Variants in FAM222B observed in about 807,000 individuals in gnomAD.
FAM222B encodes the protein family with sequence similarity 222 member B.
Under a neutral mutation model 38.0 loss-of-function variants are expected in FAM222B, and 12 were observed. That is an observed-to-expected ratio of 0.32 (90% CI 0.20 to 0.51). FAM222B has a LOEUF of 0.51. Among genes scored for constraint, FAM222B ranks in the 20% least tolerant of loss-of-function variants. The probability of loss-of-function intolerance (pLI) is 0.97; values close to 1 mark genes in which losing one functional copy is unlikely to be tolerated. For synonymous variants in FAM222B, 329 were observed against 317.2 expected, an observed-to-expected ratio of 1.04 and a Z score of -0.40; for missense variants, 716 against 754.2, an observed-to-expected ratio of 0.95 and a Z score of 0.59.
chr17:28,786,447 A>T (rs150039476), intron 1 of FAM222B, among the ~76,000 whole-genome samples: 139 of 152,310 alleles, frequency 9.1e-4, no homozygotes, highest in African/African-American at 3.3e-3. Context: ...CAATACAACT[A>T]ATGATGGAAT....
At chr17:28,843,386 C>T (rs529967089), upstream of FAM222B, among the ~76,000 whole-genome samples, 1 of 150,532 alleles carries the variant, frequency 6.6e-6, no homozygotes, top group African/African-American at 2.4e-5. Context: ...ATCCACCCAC[C>T]TCAGCCTTCT....
At chr17:28,812,539 G>A (rs1452504128) in intron 1 of FAM222B, 1 of 152,368 alleles carries the variant, frequency 6.6e-6, no homozygotes, top group African/African-American at 2.4e-5. Flanking sequence ...GCGAGCCAGG[G>A]AGCCAGCAGA....
chr17:28,829,218 CT>C (rs58425199), intron 1 of FAM222B, among the ~76,000 whole-genome samples: 137,963 of 140,970 alleles, frequency 0.98, 67,564 homozygotes, highest in Non-Finnish European at 0.99. Flanking sequence ...TCTCTCTACT[CT>C]TTTTTTTTTT....
rs2034858783 is a variant in FAM222B, at chr17:28,758,688, G to A, written c.1271C>T (p.Pro424Leu). ...GGATGGGGTCGGCTTTTCCAGGGGT[G>A]GCTTCAGATGGAAGGACTGCGCCAG... ...LCLAQSFHLK[P>L]PLEKPTPSPP... is the part of the protein sequence containing the mutation. The change falls in exon 3 of 3, where the codon CCA (proline) becomes CTA (leucine). Residue 424 changes from proline (P) to leucine (L), a missense_variant. Coordinates refer to ENST00000581407, the MANE Select transcript of FAM222B (RefSeq NM_001077498.3). 1.9e-6 allele frequency: 3 copies of A among 1,602,430 alleles called. No homozygotes were observed. Among genetic ancestry groups the A allele is most frequent in the Non-Finnish European group, 1.7e-6 (2 of 1,172,986 alleles).
At chr17:28,763,723 C>G (rs11650282) in intron 2 of FAM222B, among the ~76,000 whole-genome samples, 28,762 of 152,176 alleles carry the variant, frequency 0.19, 2,855 homozygotes, top group South Asian at 0.3. Flanking sequence ...CCTTATCCTT[C>G]TGACAAAGGC....
intron 1 of FAM222B, among the ~76,000 whole-genome samples, chr17:28,829,200 G>A (rs1361944432): frequency 1.4e-5 from 2 of 138,910 alleles, no homozygotes; most frequent in South Asian, 2.4e-4. Context: ...CATCACGCTT[G>A]GCCACCCTCT....
Position 28,759,911 on chromosome 17 carries a change from G to C in FAM222B, c.83-35C>G. On this transcript the variant is annotated intron_variant, in intron 2 of 2. Coordinates refer to ENST00000581407, the MANE Select transcript of FAM222B (RefSeq NM_001077498.3). This position sits in a 1 kb window ranked among gnomAD's most constrained non-coding sequence, Gnocchi z 4.8. ...GAGAATGGGAAGGAGAGCAAAGAGG[G>C]AGAGGGAGCTCATCAGTGCCAAGGC... 2 of 1,491,662 alleles carry C rather than the reference G, an allele frequency of 1.3e-6. No homozygotes were observed. The highest frequency in any genetic ancestry group is 1.8e-6 in the Non-Finnish European group (2 of 1,114,690). 92.4% of individuals were successfully genotyped at this position (1,491,662 alleles called of 1,614,324 possible).
Position 28,758,406 on chromosome 17 carries a change from C to A in FAM222B, c.1553G>T (p.Ser518Ile), listed in dbSNP as rs769746665. 1.2e-6 allele frequency: 2 copies of A among 1,613,924 alleles called. No individual in the cohort carries two copies. The highest frequency in any genetic ancestry group is 4.5e-5 in the East Asian group (2 of 44,872). The part of the protein sequence containing the change: ...NSLMQTVDYL[S>I]GDFQQACFRE... Reference sequence around the variant, plus strand: ...GAAGCAGGCCTGTTGGAAATCCCCACTTAGGTAATCCACTGTTTGCATCAA... The same window carrying A: ...GAAGCAGGCCTGTTGGAAATCCCCAATTAGGTAATCCACTGTTTGCATCAA... The change falls in exon 3 of 3, where the codon AGT becomes ATT. Residue 518 changes from serine (S) to isoleucine (I), a missense_variant. Transcript: ENST00000581407.
intron 1 of FAM222B, among the ~76,000 whole-genome samples, chr17:28,854,645 C>A (rs999635032): frequency 6.6e-6 from 1 of 152,132 alleles, no homozygotes; most frequent in African/African-American, 2.4e-5. Context: ...AAAACCCTTA[C>A]GGGGACAGGC....
intron 1 of FAM222B, among the ~76,000 whole-genome samples, chr17:28,794,971 TA>T (rs2036868990): frequency 6.6e-6 from 1 of 151,602 alleles, no homozygotes; most frequent in South Asian, 2.1e-4. Flanking sequence ...CACGCGCCTG[TA>T]ATCCCAGGTA....
intron 1 of FAM222B, among the ~76,000 whole-genome samples, chr17:28,811,842 A>G (rs1170651053): frequency 6.6e-6 from 1 of 152,210 alleles, no homozygotes; most frequent in East Asian, 1.9e-4. Flanking sequence ...AAAATGGTGA[A>G]GACAACCTTA....
intron 1 of FAM222B, among the ~76,000 whole-genome samples, chr17:28,813,446 A>C (rs2037891938): frequency 6.6e-6 from 1 of 152,182 alleles, no homozygotes; most frequent in Non-Finnish European, 1.5e-5. Context: ...GTATAATAAT[A>C]AGCAACAGTT....
chr17:28,780,699 T>C (rs572765685), intron 1 of FAM222B, among the ~76,000 whole-genome samples: 19 of 152,044 alleles, frequency 1.2e-4, no homozygotes, highest in Non-Finnish European at 2.4e-4. Context: ...CTAGCTAACA[T>C]AGAGAAACCC....
upstream of FAM222B, among the ~76,000 whole-genome samples, chr17:28,843,511 G>A (rs993090997): frequency 8.1e-6 from 1 of 123,664 alleles, no homozygotes; most frequent in African/African-American, 3.2e-5. Flanking sequence ...GCAGTGGCGC[G>A]ATCTCAGCTC....
At chr17:28,854,989 T>C (rs369533707) in exon 1 of FAM222B, 18 of 1,522,410 alleles carry the variant, frequency 1.2e-5, no homozygotes, top group Non-Finnish European at 1.4e-5. Context: ...CTCTGTTCAA[T>C]CGTAGGAGCG....
chr17:28,771,002 A>ATGTGTGTG (rs2035604989), intron 1 of FAM222B, among the ~76,000 whole-genome samples: 2 of 150,232 alleles, frequency 1.3e-5, no homozygotes, highest in African/African-American at 4.9e-5. Flanking sequence ...GTGTATATAT[A>ATGTGTGTG]TATATTTTTT....
chr17:28,770,052 T>A (rs2035548578), intron 1 of FAM222B, among the ~76,000 whole-genome samples: 1 of 152,182 alleles, frequency 6.6e-6, no homozygotes, highest in South Asian at 2.1e-4. Flanking sequence ...TCCCACACAA[T>A]TAACCCCAGG....
intron 1 of FAM222B, among the ~76,000 whole-genome samples, chr17:28,789,473 G>GT (rs1170750634): frequency 6.6e-6 from 1 of 152,148 alleles, no homozygotes; most frequent in Non-Finnish European, 1.5e-5. Flanking sequence ...GGTTACAGGC[G>GT]TGAGCCACTG....
intron 1 of FAM222B, among the ~76,000 whole-genome samples, chr17:28,790,887 T>TAA (rs2036641105): frequency 2.8e-5 from 2 of 71,730 alleles, no homozygotes; most frequent in African/African-American, 1.0e-4. Flanking sequence ...TGTTTCACTT[T>TAA]TTTTTTTTTT....
Sources: allele counts gnomAD v4.1 joint callset (sites outside exome capture counted in the v4.1 genomes callset), GRCh38; gene constraint gnomAD v4.1.1; non-coding constraint Gnocchi (gnomAD v3.1); transcripts MANE v1.5; gene names NCBI Gene and HGNC (gene_info 2026-07-23, HGNC 2026-07-21).